The following ADAMTSL3 variants were observed in gnomAD, a reference collection of about 807,000 sequenced individuals.
ADAMTSL3 encodes the protein ADAMTS-like protein 3.
ADAMTSL3 carries 128 observed loss-of-function variants against 201.7 expected under a neutral mutation model. The ratio of observed to expected loss-of-function variants is 0.63; its 90% CI spans 0.55 to 0.73. The LOEUF (loss-of-function observed/expected upper bound fraction) is 0.73. ADAMTSL3 is among the 30% of genes least tolerant of loss of function. ADAMTSL3 has a pLI of 0.00. For synonymous variants in ADAMTSL3, 738 were observed against 748.4 expected (o/e 0.99, Z 0.23); for missense variants, 1,990 against 2,119.6 (o/e 0.94, Z 1.20).
At chr15:83,881,722 G>A (rs1019110950) in intron 9 of ADAMTSL3, among the ~76,000 whole-genome samples, 1 of 152,114 alleles carries the variant, frequency 6.6e-6, no homozygotes, top group African/African-American at 2.4e-5. Flanking sequence ...AGGCATGATA[G>A]TGTGCGCCTG....
intron 4 of ADAMTSL3, among the ~76,000 whole-genome samples, chr15:83,781,137 A>G (rs371885360): frequency 2.0e-5 from 3 of 152,372 alleles, no homozygotes; most frequent in South Asian, 4.1e-4. Context: ...GAACCAAAAA[A>G]CAGCCTGAAT....
At chr15:83,879,188 A>C (rs59638423) in intron 9 of ADAMTSL3, among the ~76,000 whole-genome samples, 1,578 of 152,180 alleles carry the variant, frequency 0.01, 33 homozygotes, top group African/African-American at 0.036. Flanking sequence ...ATTTTATTAG[A>C]CATTTCGCAG....
At chr15:83,655,162 C>G (rs2061061021) in intron 1 of ADAMTSL3, among the ~76,000 whole-genome samples, 1 of 152,172 alleles carries the variant, frequency 6.6e-6, no homozygotes, top group South Asian at 2.1e-4. Context: ...GCTGTGTCCT[C>G]CAAACCTCCC....
intron 13 of ADAMTSL3, among the ~76,000 whole-genome samples, 194 bp downstream of exon 13, chr15:83,893,082 A>T (rs1436191680): frequency 6.6e-6 from 1 of 152,190 alleles, no homozygotes; most frequent in Admixed American, 6.5e-5. Context: ...GTAGGTAAGG[A>T]TAATTAATAT....
At chr15:83,990,942 C>G in intron 22 of ADAMTSL3, 144 bp from the exon 23 acceptor site, 1 of 1,149,088 alleles carries the variant, frequency 8.7e-7, no homozygotes, top group Non-Finnish European at 1.2e-6. Flanking sequence ...TGCACATCCC[C>G]ACGGTGCACC....
At chr15:83,856,562 G>A (rs912111598) in intron 7 of ADAMTSL3, among the ~76,000 whole-genome samples, 4 of 152,074 alleles carry the variant, frequency 2.6e-5, no homozygotes. Context: ...ATTTCCAGTA[G>A]GTAATTGTCT....
At chr15:83,984,501 T>C (rs913820750) in intron 21 of ADAMTSL3, among the ~76,000 whole-genome samples, 1 of 152,210 alleles carries the variant, frequency 6.6e-6, no homozygotes, top group Non-Finnish European at 1.5e-5. Context: ...GAATAAACCT[T>C]AAAACATAGC....
chr15:83,751,965 A>C lies in ADAMTSL3; in HGVS notation c.190-21558A>C, dbSNP rs1163936499. Among the ~76,000 whole-genome samples, 4 of 152,360 alleles carry C rather than the reference A, an allele frequency of 2.6e-5. No homozygotes were observed. The East Asian group carries it at 7.7e-4, about 29-fold the overall frequency. On this transcript the variant is annotated intron_variant, in intron 3 of 29. Transcript: ENST00000286744. ...GAAATGTGAAAAGATTCTGCATCATAACAACAACCTATGCCCTAAAGAGGT... is the reference window on the plus strand; with the variant it reads ...GAAATGTGAAAAGATTCTGCATCATCACAACAACCTATGCCCTAAAGAGGT...
chr15:83,791,233 A>G (rs2063339869), intron 4 of ADAMTSL3, among the ~76,000 whole-genome samples: 1 of 152,228 alleles, frequency 6.6e-6, no homozygotes, highest in African/African-American at 2.4e-5. Flanking sequence ...GAAAAAAACA[A>G]TCTTAAAATT....
At chr15:83,934,159 C>A (rs762795739) in intron 17 of ADAMTSL3, among the ~76,000 whole-genome samples, 3 of 152,142 alleles carry the variant, frequency 2.0e-5, no homozygotes, top group Non-Finnish European at 4.4e-5. Context: ...AACGTCAGCC[C>A]ATGAAAGCAG....
At chr15:83,963,985 C>T (rs2067029040) in intron 19 of ADAMTSL3, among the ~76,000 whole-genome samples, 1 of 152,130 alleles carries the variant, frequency 6.6e-6, no homozygotes, top group South Asian at 2.1e-4. Flanking sequence ...AGGATGTCCA[C>T]ACAGAAACCC....
rs199887332 is a variant in ADAMTSL3, at chr15:83,663,974, C to CTCAA, written c.69+8146_69+8149dup. The stretch of plus-strand genomic sequence containing the variant: ...CCTCTCTGGCTTTTAAAAAATGCTC[C>CTCAA]TCAATTCCAGAGCTCTGCCTTTGCC... On this transcript the variant is annotated intron_variant, in intron 2 of 29. Transcript: ENST00000286744. 6.1e-3 allele frequency among the ~76,000 whole-genome samples: 914 copies of CTCAA among 150,898 alleles called. 4 individuals are homozygous for CTCAA. Among genetic ancestry groups the CTCAA allele is most frequent in the African/African-American group, 0.02 (850 of 41,520 alleles).
At position 83,885,225 on chromosome 15, in the gene ADAMTSL3, CTT is replaced by C; in HGVS notation, c.1072+15_1072+16del. ...ACGTGTGGAGGAGGTGAGGCCCAGG[CTT>C]TGTTCATGAATATTTAGAGCTCAGA... On this transcript the variant is annotated intron_variant, in intron 10 of 29. Transcript: ENST00000286744. 1 of 1,577,130 alleles carries C rather than the reference CTT, an allele frequency of 6.3e-7. No homozygotes were observed. The highest frequency in any genetic ancestry group is 2.2e-5 in the East Asian group (1 of 44,632).
chr15:84,017,228 C>T (rs1440582218), intron 25 of ADAMTSL3, among the ~76,000 whole-genome samples: 1 of 152,166 alleles, frequency 6.6e-6, no homozygotes, highest in East Asian at 1.9e-4. Context: ...TGCCATTCTC[C>T]TGCCTCAGCC....
chr15:83,945,126 C>T (rs976811847), intron 19 of ADAMTSL3, among the ~76,000 whole-genome samples: 1 of 152,098 alleles, frequency 6.6e-6, no homozygotes, highest in Non-Finnish European at 1.5e-5. Context: ...AAGAGATGAA[C>T]CCATCTCTCC....
At chr15:83,912,063 T>G (rs2065944597) in intron 15 of ADAMTSL3, among the ~76,000 whole-genome samples, 1 of 152,240 alleles carries the variant, frequency 6.6e-6, no homozygotes, top group Non-Finnish European at 1.5e-5. Flanking sequence ...ACTGAACTCT[T>G]TCTCCTCTAT....
At chr15:83,864,463 G>T (rs1395073310) in intron 8 of ADAMTSL3, among the ~76,000 whole-genome samples, 1 of 152,102 alleles carries the variant, frequency 6.6e-6, no homozygotes, top group African/African-American at 2.4e-5. Context: ...TTCAACATAC[G>T]CAAATCAATA....
intron 8 of ADAMTSL3, among the ~76,000 whole-genome samples, chr15:83,861,127 C>G (rs2064848034): frequency 6.6e-6 from 1 of 152,168 alleles, no homozygotes; most frequent in Non-Finnish European, 1.5e-5. Context: ...GGAGGGGCAC[C>G]CACCATTGCT....
chr15:83,716,184 T>C (rs1213991353), intron 3 of ADAMTSL3, among the ~76,000 whole-genome samples: 1 of 152,092 alleles, frequency 6.6e-6, no homozygotes, highest in Non-Finnish European at 1.5e-5. Context: ...TAAATTTTTA[T>C]TTCTGAGTTT....
Sources: allele counts gnomAD v4.1 joint callset (sites outside exome capture counted in the v4.1 genomes callset), GRCh38; gene constraint gnomAD v4.1.1; transcripts MANE v1.5; gene names NCBI Gene and HGNC (gene_info 2026-07-23, HGNC 2026-07-21).